Variants in PTPRD observed in about 807,000 individuals in gnomAD.
PTPRD encodes receptor-type tyrosine-protein phosphatase delta.
A neutral mutation model predicts 214.5 loss-of-function variants in PTPRD; 34 were observed. That is an observed-to-expected ratio of 0.16 (90% CI 0.12 to 0.21). The LOEUF (loss-of-function observed/expected upper bound fraction) is 0.21. Among genes scored for constraint, PTPRD ranks in the 10% least tolerant of loss-of-function variants. The probability of loss-of-function intolerance (pLI) is 1.00; values close to 1 mark genes in which losing one functional copy is unlikely to be tolerated. For missense variants in PTPRD, 2,545 were observed against 2,398.7 expected (o/e 1.06, Z -1.27); for synonymous variants, 1,128 against 845.7 (o/e 1.33, Z -5.79).
chr9:9,176,717 A>G (rs2099925112), intron 10 of PTPRD, among the ~76,000 whole-genome samples: 1 of 151,922 alleles, frequency 6.6e-6, no homozygotes, highest in Non-Finnish European at 1.5e-5. Context: ...GTCCCCATTT[A>G]CTCTTTCAGT....
intron 2 of PTPRD, among the ~76,000 whole-genome samples, chr9:10,381,133 T>C (rs1329278270): frequency 1.3e-5 from 2 of 151,634 alleles, no homozygotes; most frequent in African/African-American, 2.4e-5. Context: ...ACCCAAACCC[T>C]GTATTATTTT....
intron 11 of PTPRD, among the ~76,000 whole-genome samples, chr9:8,852,260 A>G (rs2097832898): frequency 6.6e-6 from 1 of 152,220 alleles, no homozygotes; most frequent in Non-Finnish European, 1.5e-5. Context: ...ATAAAAAAAG[A>G]AAAAGAAAAA....
At chr9:10,190,546 C>T (rs2099359236) in intron 3 of PTPRD, among the ~76,000 whole-genome samples, 1 of 151,062 alleles carries the variant, frequency 6.6e-6, no homozygotes, top group South Asian at 2.1e-4. Context: ...GGCGAAACCC[C>T]ATCTCTACTA....
At chr9:9,053,524 A>G (rs2099690450) in intron 10 of PTPRD, among the ~76,000 whole-genome samples, 1 of 152,070 alleles carries the variant, frequency 6.6e-6, no homozygotes, top group South Asian at 2.1e-4. Flanking sequence ...AAAAGAAGAT[A>G]CTTATACAAA....
chr9:10,427,770 A>C (rs536033315), intron 2 of PTPRD, among the ~76,000 whole-genome samples: 1 of 152,208 alleles, frequency 6.6e-6, no homozygotes, highest in South Asian at 2.1e-4. Context: ...ACTGGGGTGG[A>C]AAATGTTTGT....
chr9:8,405,651 T>C (rs1355848648), intron 35 of PTPRD, among the ~76,000 whole-genome samples: 3 of 152,178 alleles, frequency 2.0e-5, no homozygotes, highest in Non-Finnish European at 4.4e-5. Context: ...TTCATTGTTA[T>C]ATGGAAACAC....
At chr9:10,343,751 T>C (rs1037913577) in intron 2 of PTPRD, among the ~76,000 whole-genome samples, 3 of 152,070 alleles carry the variant, frequency 2.0e-5, no homozygotes, top group Non-Finnish European at 2.9e-5. Context: ...TATTTTCATG[T>C]GTCTGTTGGC....
intron 2 of PTPRD, among the ~76,000 whole-genome samples, chr9:10,392,849 G>T (rs935060895): frequency 2.0e-5 from 3 of 151,894 alleles, no homozygotes; most frequent in Non-Finnish European, 1.5e-5. Context: ...ACAGACATTT[G>T]CTGGAATAGA....
chr9:9,641,218 C>G (rs1377291691), intron 7 of PTPRD, among the ~76,000 whole-genome samples: 2 of 152,162 alleles, frequency 1.3e-5, no homozygotes, highest in Non-Finnish European at 2.9e-5. Flanking sequence ...AATCATGATA[C>G]TCTTGAGTGT....
At chr9:9,780,665 A>G (rs1012602061) in intron 5 of PTPRD, among the ~76,000 whole-genome samples, 3 of 152,216 alleles carry the variant, frequency 2.0e-5, no homozygotes, top group African/African-American at 7.2e-5. Context: ...ATATGATTTA[A>G]CCATCACACA....
chr9:9,661,781 A>G (rs997097791), intron 7 of PTPRD, among the ~76,000 whole-genome samples: 1 of 151,792 alleles, frequency 6.6e-6, no homozygotes, highest in Non-Finnish European at 1.5e-5. Context: ...AAGAGAAGGA[A>G]AAAGGGAGAT....
intron 7 of PTPRD, among the ~76,000 whole-genome samples, chr9:9,659,945 A>G (rs2096590774): frequency 6.6e-6 from 1 of 152,102 alleles, no homozygotes; most frequent in African/African-American, 2.4e-5. Context: ...TACAGTGCTC[A>G]TGATTACATA....
chr9:9,305,610 CA>C (rs1956884571), intron 9 of PTPRD, among the ~76,000 whole-genome samples: 1 of 152,068 alleles, frequency 6.6e-6, no homozygotes, highest in African/African-American at 2.4e-5. Context: ...CCTAGAACCT[CA>C]GAACACAGTG....
chr9:9,876,380 C>CA (rs1413534428), intron 5 of PTPRD, among the ~76,000 whole-genome samples: 6 of 152,068 alleles, frequency 3.9e-5, no homozygotes, highest in African/African-American at 1.4e-4. Context: ...AGCAAGCATG[C>CA]ATTTAGAAAT....
At chr9:10,504,115 C>CA (rs71332747) in intron 2 of PTPRD, among the ~76,000 whole-genome samples, 586 of 26,952 alleles carry the variant, frequency 0.022, 135 homozygotes, top group African/African-American at 0.086. Flanking sequence ...GACTCTGTCT[C>CA]AAAAAAAAAA....
chr9:9,931,991 C>T (rs1261976660), intron 5 of PTPRD, among the ~76,000 whole-genome samples: 6 of 152,176 alleles, frequency 3.9e-5, no homozygotes, highest in East Asian at 1.9e-4. Context: ...CAGCAGAGTA[C>T]TCCAACAGAC....
chr9:8,328,337 A>G (rs1836130669), intron 44 of PTPRD, among the ~76,000 whole-genome samples: 1 of 152,164 alleles, frequency 6.6e-6, no homozygotes, highest in Non-Finnish European at 1.5e-5. Context: ...GGAATGTTGA[A>G]TATTGGCCCC....
rs548913950 is a variant in PTPRD, at chr9:10,125,239, T to C, written c.-544-91449A>G. On this transcript the variant is annotated intron_variant, in intron 3 of 45. Coordinates refer to ENST00000381196, the MANE Select transcript of PTPRD (RefSeq NM_002839.4). ...TTAAGATACTATTATACTATCTTCA[T>C]AGTCCCTAGCTGTTTTCTCTATCCA... Among the ~76,000 whole-genome samples the C allele has an allele frequency of 3.9e-5, 6 of 152,110 alleles. 1 individual carries two copies. The South Asian group carries it at 1.2e-3, about 32-fold the overall frequency.
At chr9:10,231,734 T>C (rs531546252) in intron 3 of PTPRD, among the ~76,000 whole-genome samples, 1 of 152,088 alleles carries the variant, frequency 6.6e-6, no homozygotes, top group African/African-American at 2.4e-5. Flanking sequence ...TTGAAAATTA[T>C]TGAAAGAAAT....
Sources: allele counts gnomAD v4.1 joint callset (sites outside exome capture counted in the v4.1 genomes callset), GRCh38; gene constraint gnomAD v4.1.1; transcripts MANE v1.5; gene names NCBI Gene and HGNC (gene_info 2026-07-23, HGNC 2026-07-21).